Variants in NCKAP5 observed in about 807,000 individuals in gnomAD.
NCKAP5 encodes NCK associated protein 5, also known as nck-associated protein 5.
In NCKAP5, 92 loss-of-function variants were observed where a neutral mutation model predicts 167.0. The observed-to-expected ratio is 0.55, with a 90% confidence interval of 0.47 to 0.66. The LOEUF is 0.66. Ranked by LOEUF, NCKAP5 falls within the 30% of genes least tolerant of loss-of-function variation. The pLI is 0.00. For synonymous variants in NCKAP5, 891 were observed against 877.4 expected (o/e 1.02, Z -0.27); for missense variants, 2,378 against 2,315.0 (o/e 1.03, Z -0.56).
rs75730516 is a variant in NCKAP5 at position 133,141,843 on chromosome 2, C to A, written c.208-11732G>T. ...TATGAGAAACCTAAAAATTTTAAAA[C>A]AGGACTTTTAGCAGCTTCCCTTATC... On this transcript the variant is annotated intron_variant, in intron 5 of 19. Coordinates refer to ENST00000409261, the MANE Select transcript of NCKAP5 (RefSeq NM_207363.3). Among the ~76,000 whole-genome samples, 106 of 152,242 alleles carry A rather than the reference C, an allele frequency of 7.0e-4. 2 individuals carry two copies. The East Asian group carries it at 0.019, about 27-fold the overall frequency.
chr2:133,004,864 C>A (rs966337289), intron 6 of NCKAP5, among the ~76,000 whole-genome samples: 8 of 152,166 alleles, frequency 5.3e-5, no homozygotes, highest in Admixed American at 5.2e-4. Flanking sequence ...ATTTTAGAGA[C>A]CTCCCCCTGG....
intron 5 of NCKAP5, among the ~76,000 whole-genome samples, chr2:133,194,884 T>C (rs2085372585): frequency 6.6e-6 from 1 of 151,166 alleles, no homozygotes; most frequent in Non-Finnish European, 1.5e-5. Context: ...TAGGTATATA[T>C]GAAAAAAATA....
At chr2:133,154,835 A>G (rs540623514) in intron 5 of NCKAP5, among the ~76,000 whole-genome samples, 3 of 152,358 alleles carry the variant, frequency 2.0e-5, no homozygotes, top group African/African-American at 7.2e-5. Flanking sequence ...TACAGTTTTT[A>G]TCTGGCAAAA....
chr2:132,980,048 G>A lies in NCKAP5; in HGVS notation c.429+14104C>T, dbSNP rs932112774. Among the ~76,000 whole-genome samples, 3 of 145,724 alleles carry A rather than the reference G, an allele frequency of 2.1e-5. No homozygotes were observed. The Admixed American group carries it at 2.1e-4, about 10-fold the overall frequency. ...TCTGTCGCCCAGACTGTAGTACAGT[G>A]GGGCCATCATGGCTCACTCCAGCCT... On this transcript the variant is annotated intron_variant, in intron 7 of 19. Coordinates refer to ENST00000409261, the MANE Select transcript of NCKAP5 (RefSeq NM_207363.3).
Position 133,096,958 on chromosome 2 carries a change from T to C in NCKAP5, c.341+33020A>G, listed in dbSNP as rs1018130898. Among the ~76,000 whole-genome samples the C allele has an allele frequency of 5.9e-5, 9 of 152,346 alleles. No homozygotes were observed. In the South Asian group the frequency reaches 1.4e-3, roughly 25 times the overall value. ...GCAGAGACTCTCTATACAATACTTATGTGAGGTCTATTGTACTTATGTCCC... is the reference window on the plus strand; with the variant it reads ...GCAGAGACTCTCTATACAATACTTACGTGAGGTCTATTGTACTTATGTCCC... On this transcript the variant is annotated intron_variant, in intron 6 of 19. Coordinates refer to ENST00000409261, the MANE Select transcript of NCKAP5 (RefSeq NM_207363.3).
At chr2:133,078,020 G>A (rs1270571506) in intron 6 of NCKAP5, among the ~76,000 whole-genome samples, 4 of 152,160 alleles carry the variant, frequency 2.6e-5, no homozygotes, top group African/African-American at 9.7e-5. Flanking sequence ...AGACCAACAT[G>A]CTGGTCCCAG....
intron 11 of NCKAP5, among the ~76,000 whole-genome samples, chr2:132,852,189 C>T (rs1206006199): frequency 1.3e-5 from 2 of 152,114 alleles, no homozygotes; most frequent in East Asian, 3.8e-4. Flanking sequence ...CTATGATAGA[C>T]ATTTACTGCA....
At chr2:132,879,393 C>T (rs6746565) in intron 8 of NCKAP5, among the ~76,000 whole-genome samples, 149,801 of 152,362 alleles carry the variant, frequency 0.98, 73,656 homozygotes, top group East Asian at 1. Context: ...CAATGACTTA[C>T]GTACATAAGA....
At chr2:133,275,933 C>T (rs1053032650) in intron 4 of NCKAP5, among the ~76,000 whole-genome samples, 1 of 151,800 alleles carries the variant, frequency 6.6e-6, no homozygotes, top group Non-Finnish European at 1.5e-5. Context: ...TACTTATACA[C>T]AGATTTTTTT....
chr2:132,710,541 T>G (rs945701363), intron 19 of NCKAP5, among the ~76,000 whole-genome samples: 1 of 152,198 alleles, frequency 6.6e-6, no homozygotes, highest in African/African-American at 2.4e-5. Context: ...CAGTTTCTTT[T>G]AAAAAATACT....
At chr2:132,796,754 T>C (rs368266550) in intron 11 of NCKAP5, 25 bp from the exon 12 acceptor site, 108 of 1,429,858 alleles carry the variant, frequency 7.6e-5, no homozygotes, top group Admixed American at 2.3e-4. Context: ...GCAGAAACAT[T>C]GAATAGCGAT....
intron 18 of NCKAP5, among the ~76,000 whole-genome samples, chr2:132,727,056 T>C (rs1463118976): frequency 2.0e-5 from 3 of 152,110 alleles, no homozygotes; most frequent in Non-Finnish European, 4.4e-5. Context: ...AAACGTTCCC[T>C]ATCTGGCAGT....
Position 133,198,397 on chromosome 2 carries a change from T to C in NCKAP5, c.207+15319A>G, listed in dbSNP as rs554346295. ...GAAAAAAATAAGAATATATTGAAAA[T>C]TGCCAGAGAAAGAAACTGGGGAAGA... On this transcript the variant is annotated intron_variant, in intron 5 of 19. Transcript: ENST00000409261. 1.2e-4 allele frequency among the ~76,000 whole-genome samples: 18 copies of C among 151,996 alleles called. No individual in the cohort carries two copies. In the South Asian group the frequency reaches 3.5e-3, roughly 30 times the overall value.
chr2:133,566,110 G>C (rs1306302224), intron 1 of NCKAP5, among the ~76,000 whole-genome samples: 1 of 152,176 alleles, frequency 6.6e-6, no homozygotes, highest in Non-Finnish European at 1.5e-5. Context: ...GAAGGCTCCA[G>C]AGAGAAGGGT....
chr2:133,652,376 A>G, the NCKAP5 span, among the ~76,000 whole-genome samples: 2 of 152,232 alleles, frequency 1.3e-5, no homozygotes, highest in South Asian at 2.1e-4. Context: ...TCTCATAAAC[A>G]ATTTCCCACT....
chr2:133,611,583 A>G, the NCKAP5 span, among the ~76,000 whole-genome samples: 2 of 152,140 alleles, frequency 1.3e-5, no homozygotes. Flanking sequence ...TTTAATCTTC[A>G]TTAAGACAGT....
chr2:133,058,744 G>A (rs892726055), intron 6 of NCKAP5, among the ~76,000 whole-genome samples: 4 of 152,190 alleles, frequency 2.6e-5, no homozygotes, highest in Admixed American at 1.3e-4. Flanking sequence ...AAACTTAGTT[G>A]ATAAAGCAGC....
the NCKAP5 span, among the ~76,000 whole-genome samples, chr2:133,632,051 A>T: frequency 5.9e-5 from 9 of 152,232 alleles, no homozygotes; most frequent in Admixed American, 6.5e-5. Flanking sequence ...GGGAAATTTT[A>T]AAAAGGCTGT....
chr2:132,690,594 A>G (rs147408934), intron 19 of NCKAP5, among the ~76,000 whole-genome samples: 62 of 152,282 alleles, frequency 4.1e-4, no homozygotes, highest in Non-Finnish European at 8.4e-4. Flanking sequence ...TGTTTTGCCT[A>G]AAGTCACAGC....
Sources: allele counts gnomAD v4.1 joint callset (sites outside exome capture counted in the v4.1 genomes callset), GRCh38; gene constraint gnomAD v4.1.1; transcripts MANE v1.5; gene names NCBI Gene and HGNC (gene_info 2026-07-23, HGNC 2026-07-21).